Variants in PPM1H observed in about 807,000 individuals in gnomAD.
PPM1H encodes the protein protein phosphatase 1H.
A neutral mutation model predicts 54.9 loss-of-function variants in PPM1H; 27 were observed. The observed-to-expected ratio is 0.49, with a 90% CI of 0.36 to 0.68. The LOEUF is 0.68. Among genes scored for constraint, PPM1H ranks in the 30% least tolerant of loss-of-function variants. The pLI is 0.00. For synonymous variants in PPM1H, 305 were observed against 270.8 expected, an observed-to-expected ratio of 1.13 and a Z score of -1.24; for missense variants, 596 against 667.8, an observed-to-expected ratio of 0.89 and a Z score of 1.19.
chr12:62,716,784 C>A (rs1181438830), intron 6 of PPM1H, among the ~76,000 whole-genome samples: 1 of 152,052 alleles, frequency 6.6e-6, no homozygotes. Context: ...CCCATCTCGG[C>A]CTCTCAAAGT....
At position 62,720,385 on chromosome 12, in the gene PPM1H, A is replaced by G. The variant is rs146959837; in HGVS notation, c.955-96T>C. On this transcript the variant is annotated intron_variant, in intron 5 of 9. Transcript: ENST00000228705. ...TGTTTTGCAAATTGAGACAGGCCAT[A>G]TTTTAAAAACAAGAAAATTGCCTCA... 29 of 913,220 alleles carry G rather than the reference A, an allele frequency of 3.2e-5. No homozygotes were observed. In the African/African-American group the frequency reaches 3.8e-4, roughly 12 times the overall value. 56.6% of individuals were successfully genotyped at this position (913,220 alleles called of 1,614,324 possible). A position where few individuals can be genotyped will look rare whatever the true frequency, so the allele number is the denominator to read the frequency against.
chr12:62,881,010 C>T (rs1870373531), intron 1 of PPM1H, among the ~76,000 whole-genome samples: 1 of 152,170 alleles, frequency 6.6e-6, no homozygotes, highest in African/African-American at 2.4e-5. Flanking sequence ...CAGTTACTCC[C>T]CTCCACCCTC....
At chr12:62,928,437 G>T (rs1490027870) in intron 1 of PPM1H, among the ~76,000 whole-genome samples, 1 of 152,158 alleles carries the variant, frequency 6.6e-6, no homozygotes, top group East Asian at 1.9e-4. Context: ...CTCCTTACAT[G>T]GTCAGTAGGA....
chr12:62,730,298 C>A (rs979921299), intron 5 of PPM1H, among the ~76,000 whole-genome samples: 11 of 152,166 alleles, frequency 7.2e-5, no homozygotes, highest in African/African-American at 1.9e-4. Context: ...TGCTGCTATG[C>A]ACGCTCTGGT....
chr12:62,826,168 C>T (rs976723618), intron 2 of PPM1H, among the ~76,000 whole-genome samples: 3 of 152,274 alleles, frequency 2.0e-5, no homozygotes, highest in South Asian at 2.1e-4. Flanking sequence ...AAGGTCATCT[C>T]GCTGGGTGCA....
At chr12:62,701,432 T>C (rs2076143410) in intron 6 of PPM1H, among the ~76,000 whole-genome samples, 1 of 152,240 alleles carries the variant, frequency 6.6e-6, no homozygotes, top group African/African-American at 2.4e-5. Flanking sequence ...TTTGTCTTTG[T>C]GGCAATTTTA....
chr12:62,648,727 A>G, intron 9 of PPM1H, 91 bp from the exon 10 acceptor site: 1 of 1,383,352 alleles, frequency 7.2e-7, no homozygotes, highest in East Asian at 2.3e-5. Flanking sequence ...GCATCACTAC[A>G]GTTGTATAAA....
chr12:62,798,337 A>C (rs2076748056), intron 3 of PPM1H, among the ~76,000 whole-genome samples: 1 of 152,238 alleles, frequency 6.6e-6, no homozygotes, highest in African/African-American at 2.4e-5. Flanking sequence ...AGGTGAACAC[A>C]GAGTAGCTAC....
At chr12:62,693,706 C>G (rs934887633) in intron 7 of PPM1H, among the ~76,000 whole-genome samples, 3 of 152,276 alleles carry the variant, frequency 2.0e-5, no homozygotes, top group African/African-American at 7.2e-5. Flanking sequence ...ACTTTATTTT[C>G]ACAAAATTGG....
intron 1 of PPM1H, among the ~76,000 whole-genome samples, chr12:62,855,381 G>A (rs1430114953): frequency 6.6e-6 from 1 of 152,088 alleles, no homozygotes; most frequent in Admixed American, 6.6e-5. Flanking sequence ...AGGCAGAAAG[G>A]GGCAAACTAT....
chr12:62,724,514 T>C (rs1264981632), intron 5 of PPM1H, among the ~76,000 whole-genome samples: 1 of 152,180 alleles, frequency 6.6e-6, no homozygotes, highest in East Asian at 1.9e-4. Flanking sequence ...ACAGCTTTGA[T>C]AACTGCAGGG....
At position 62,665,408 on chromosome 12, in the gene PPM1H, T is replaced by C. The variant is rs565025280; in HGVS notation, c.1397+1770A>G. 4.6e-5 allele frequency among the ~76,000 whole-genome samples: 7 copies of C among 152,302 alleles called. No individual in the cohort carries two copies. In the South Asian group the frequency reaches 1.5e-3, roughly 32 times the overall value. The stretch of plus-strand genomic sequence containing the variant: ...GAGATTTGTCAGGCTTTCTGAATCT[T>C]AGGTTTAGTATTGACAAAAAATTCT... On this transcript the variant is annotated intron_variant, in intron 9 of 9. Transcript: ENST00000228705.
chr12:62,735,670 A>ACAC (rs1164472611), intron 5 of PPM1H, among the ~76,000 whole-genome samples: 3 of 152,184 alleles, frequency 2.0e-5, no homozygotes, highest in Admixed American at 6.5e-5. Flanking sequence ...AGAACAAGCA[A>ACAC]CACCATATGC....
chr12:62,802,665 G>A (rs2076778229), intron 2 of PPM1H, among the ~76,000 whole-genome samples: 1 of 151,698 alleles, frequency 6.6e-6, no homozygotes, highest in Non-Finnish European at 1.5e-5. Flanking sequence ...CCAGGTTCAA[G>A]CGATTCTCAT....
At chr12:62,828,732 A>T (rs961620684) in intron 2 of PPM1H, among the ~76,000 whole-genome samples, 2 of 152,204 alleles carry the variant, frequency 1.3e-5, no homozygotes, top group Non-Finnish European at 2.9e-5. Context: ...TCAAATTTTT[A>T]AAAAGCAGCA....
At chr12:62,699,666 A>T (rs960791396) in intron 6 of PPM1H, among the ~76,000 whole-genome samples, 4 of 152,232 alleles carry the variant, frequency 2.6e-5, no homozygotes, top group Non-Finnish European at 5.9e-5. Context: ...CCAGATGGAC[A>T]CTGTCCTCAT....
intron 4 of PPM1H, among the ~76,000 whole-genome samples, chr12:62,773,804 G>A (rs1174323641): frequency 6.6e-6 from 1 of 152,148 alleles, no homozygotes; most frequent in East Asian, 1.9e-4. Flanking sequence ...CAGGGTGGGG[G>A]CTTCCTGGGA....
At chr12:62,750,454 T>G (rs1424127284) in intron 4 of PPM1H, among the ~76,000 whole-genome samples, 1 of 152,236 alleles carries the variant, frequency 6.6e-6, no homozygotes, top group Non-Finnish European at 1.5e-5. Context: ...CATCAATACT[T>G]CATTCCTTCT....
chr12:62,689,027 C>T (rs774870328), intron 8 of PPM1H, among the ~76,000 whole-genome samples: 10 of 152,008 alleles, frequency 6.6e-5, no homozygotes, highest in Admixed American at 1.3e-4. Context: ...CAACTGTGAC[C>T]GAAGGCAGAC....
Sources: allele counts gnomAD v4.1 joint callset (sites outside exome capture counted in the v4.1 genomes callset), GRCh38; gene constraint gnomAD v4.1.1; transcripts MANE v1.5; gene names NCBI Gene and HGNC (gene_info 2026-07-23, HGNC 2026-07-21).